Variants in TOX observed in about 807,000 individuals in gnomAD.
The protein encoded by TOX is thymocyte selection associated high mobility group box.
In TOX, 11 loss-of-function variants were observed where a neutral mutation model predicts 53.7. That is an observed-to-expected ratio of 0.20 (90% CI 0.13 to 0.34). The LOEUF (loss-of-function observed/expected upper bound fraction) is 0.34, where lower values mean the gene tolerates loss of function less well. TOX is among the 10% of genes least tolerant of loss of function. The pLI is 1.00. For synonymous variants in TOX, 225 were observed against 245.3 expected, an observed-to-expected ratio of 0.92 and a Z score of 0.77; for missense variants, 570 against 664.6, an observed-to-expected ratio of 0.86 and a Z score of 1.56.
chr8:59,059,040 G>T (rs12216794), intron 1 of TOX, among the ~76,000 whole-genome samples: 66,160 of 152,010 alleles, frequency 0.44, 17,276 homozygotes, highest in Non-Finnish European at 0.59. Flanking sequence ...TTCAAGAGCA[G>T]TAAGAGTAAT....
chr8:59,025,604 G>A (rs901313950), intron 1 of TOX, among the ~76,000 whole-genome samples: 4 of 152,194 alleles, frequency 2.6e-5, no homozygotes, highest in African/African-American at 4.8e-5. Flanking sequence ...TGATCACACC[G>A]CTGGCGAACA....
intron 1 of TOX, among the ~76,000 whole-genome samples, chr8:59,107,890 T>C (rs1002584713): frequency 7.2e-5 from 11 of 152,224 alleles, no homozygotes; most frequent in African/African-American, 2.4e-4. Context: ...TTGGTATCCT[T>C]GCAAGTATGT....
At chr8:58,935,527 A>C (rs1812329707) in intron 3 of TOX, among the ~76,000 whole-genome samples, 1 of 152,190 alleles carries the variant, frequency 6.6e-6, no homozygotes, top group African/African-American at 2.4e-5. Flanking sequence ...TAGAATCTAC[A>C]ACTGTTAGCT....
intron 1 of TOX, among the ~76,000 whole-genome samples, chr8:59,095,327 A>T (rs879883045): frequency 1.3e-5 from 2 of 152,240 alleles, no homozygotes; most frequent in Non-Finnish European, 2.9e-5. Context: ...GACTTCTAAC[A>T]TTCATCTCAG....
intron 1 of TOX, among the ~76,000 whole-genome samples, chr8:58,974,553 G>A (rs16924351): frequency 0.09 from 13,737 of 152,078 alleles, 677 homozygotes; most frequent in Middle Eastern, 0.14. Flanking sequence ...AGGTGTTTAG[G>A]TGTGGTGTTC....
In TOX at chr8:58,940,759, A is replaced by G. The variant is rs145852535; in HGVS notation, c.169-1215T>C. On this transcript the variant is annotated intron_variant, in intron 2 of 8. Coordinates refer to ENST00000361421, the MANE Select transcript of TOX (RefSeq NM_014729.3). Reference sequence around the variant, plus strand: ...AAGGTATTCATATGGTGTCCAGCCAATAAGCGTCATGCTCCTGTGTCCAAG... The same window carrying G: ...AAGGTATTCATATGGTGTCCAGCCAGTAAGCGTCATGCTCCTGTGTCCAAG... Among the ~76,000 whole-genome samples, 884 of 152,326 alleles carry G rather than the reference A, an allele frequency of 5.8e-3. 4 individuals are homozygous for G. Among genetic ancestry groups the G allele is most frequent in the Non-Finnish European group, 8.6e-3 (585 of 68,012 alleles).
chr8:58,812,810 T>C (rs1413349842), intron 7 of TOX, among the ~76,000 whole-genome samples: 2 of 152,240 alleles, frequency 1.3e-5, no homozygotes, highest in South Asian at 2.1e-4. Context: ...TCGAATCAAT[T>C]ACATTTTTAA....
chr8:58,991,945 T>A (rs960817611), intron 1 of TOX: 1 of 152,272 alleles, frequency 6.6e-6, no homozygotes, highest in African/African-American at 2.4e-5. Flanking sequence ...AGCGTGCTCA[T>A]CTTGGCCTCG....
In TOX at chr8:59,118,607, C is replaced by T. The variant is rs1805151379; in HGVS notation, c.102+279G>A. ...TTCTCTTATTATTTTTTTAAACGCC[C>T]CCCGGCAAACCTAGGCAGGGATCCT... On this transcript the variant is annotated intron_variant, in intron 1 of 8. Coordinates refer to ENST00000361421, the MANE Select transcript of TOX (RefSeq NM_014729.3). This position sits in a 1 kb window ranked among gnomAD's most constrained non-coding sequence, Gnocchi z 4.1. Among the ~76,000 whole-genome samples the T allele has an allele frequency of 6.6e-6, 1 of 152,210 alleles. No homozygotes were observed. The highest frequency in any genetic ancestry group is 2.4e-5 in the African/African-American group (1 of 41,458).
intron 3 of TOX, among the ~76,000 whole-genome samples, chr8:58,898,238 T>C (rs757203864): frequency 9.8e-5 from 15 of 152,346 alleles, no homozygotes; most frequent in Non-Finnish European, 1.9e-4. Flanking sequence ...ATTAAACTCA[T>C]TGTTAATCAA....
intron 6 of TOX, among the ~76,000 whole-genome samples, chr8:58,821,230 G>A (rs1182606810): frequency 6.6e-6 from 1 of 151,728 alleles, no homozygotes; most frequent in Non-Finnish European, 1.5e-5. Flanking sequence ...TATCAAAGTA[G>A]CCTTTGATAT....
chr8:58,978,580 T>TA (rs1490309853), intron 1 of TOX, among the ~76,000 whole-genome samples: 1 of 151,782 alleles, frequency 6.6e-6, no homozygotes, highest in Non-Finnish European at 1.5e-5. Flanking sequence ...GTTAGTTTTT[T>TA]AAAAAATCTA....
chr8:58,931,933 C>T (rs1166814276), intron 3 of TOX, among the ~76,000 whole-genome samples: 13 of 152,176 alleles, frequency 8.5e-5, no homozygotes, highest in South Asian at 4.1e-4. Context: ...TGGCTCCTTT[C>T]CTGAATACTA....
chr8:59,094,980 G>A (rs943088953), intron 1 of TOX, among the ~76,000 whole-genome samples: 1 of 152,162 alleles, frequency 6.6e-6, no homozygotes, highest in East Asian at 1.9e-4. Context: ...ATATAAAAAC[G>A]AAGAATAGTA....
intron 1 of TOX, among the ~76,000 whole-genome samples, chr8:59,076,860 T>G (rs1804301722): frequency 6.6e-6 from 1 of 152,234 alleles, no homozygotes; most frequent in Admixed American, 6.5e-5. Context: ...TGATCTCTCT[T>G]AAATTCAGGA....
intron 1 of TOX, among the ~76,000 whole-genome samples, chr8:59,109,909 T>C (rs188728298): frequency 6.6e-6 from 1 of 152,278 alleles, no homozygotes; most frequent in East Asian, 1.9e-4. Context: ...TTAGCATACA[T>C]GCAAACTTTC....
chr8:59,022,356 C>T (rs1814151867), intron 1 of TOX, among the ~76,000 whole-genome samples: 1 of 152,142 alleles, frequency 6.6e-6, no homozygotes, highest in Non-Finnish European at 1.5e-5. Context: ...AAGACTCCGA[C>T]ATGTTCTATG....
At chr8:59,041,073 C>CGT (rs61657323) in intron 1 of TOX, among the ~76,000 whole-genome samples, 26,857 of 143,578 alleles carry the variant, frequency 0.19, 2,736 homozygotes, top group Admixed American at 0.23. Context: ...AAAGGGACTC[C>CGT]GTGTGTGTGT....
chr8:59,058,911 G>A (rs557524850), intron 1 of TOX, among the ~76,000 whole-genome samples: 1 of 152,328 alleles, frequency 6.6e-6, no homozygotes, highest in African/African-American at 2.4e-5. Context: ...CATCCAGGAA[G>A]ACAGCCAACT....
Sources: allele counts gnomAD v4.1 joint callset (sites outside exome capture counted in the v4.1 genomes callset), GRCh38; gene constraint gnomAD v4.1.1; non-coding constraint Gnocchi (gnomAD v3.1); transcripts MANE v1.5; gene names NCBI Gene and HGNC (gene_info 2026-07-23, HGNC 2026-07-21).